The following STK38 variants were observed in gnomAD, a reference collection of about 807,000 sequenced individuals.
STK38 encodes the protein serine/threonine kinase 38, also known as serine/threonine-protein kinase 38.
A neutral mutation model predicts 59.0 loss-of-function variants in STK38; 26 were observed. The observed-to-expected ratio is 0.44, with a 90% CI of 0.32 to 0.61. The LOEUF is 0.61. Among genes scored for constraint, STK38 ranks in the 20% least tolerant of loss-of-function variants. The pLI is 0.04. For missense variants in STK38, 433 were observed against 566.0 expected (o/e 0.76, Z 2.38); for synonymous variants, 175 against 176.6 (o/e 0.99, Z 0.07).
chr6:36,504,885 A>G (rs1776921937), intron 9 of STK38, among the ~76,000 whole-genome samples: 1 of 135,870 alleles, frequency 7.4e-6, no homozygotes, highest in Admixed American at 8.2e-5. Context: ...GCCAAAGGTT[A>G]AATCCTGGCC....
intron 10 of STK38, among the ~76,000 whole-genome samples, chr6:36,499,223 T>A (rs953188136): frequency 2.0e-5 from 3 of 152,182 alleles, no homozygotes; most frequent in African/African-American, 7.2e-5. Flanking sequence ...GCATAGATTT[T>A]AAAAATGACC....
At position 36,524,467 on chromosome 6, in the gene STK38, A is replaced by G. The variant is rs888738315; in HGVS notation, c.184-4T>C. On this transcript the variant is annotated splice_polypyrimidine_tract_variant and splice_region_variant and intron_variant, in intron 3 of 13. Coordinates refer to ENST00000229812, the MANE Select transcript of STK38 (RefSeq NM_007271.4). ...GTGCTGATCTCCGGAGTCGTTTCTAATATTTAAATAAAAAAGGGAGGAGAC... is the reference window on the plus strand; with the variant it reads ...GTGCTGATCTCCGGAGTCGTTTCTAGTATTTAAATAAAAAAGGGAGGAGAC... 10 of 1,589,454 alleles carry G rather than the reference A, an allele frequency of 6.3e-6. No individual in the cohort carries two copies. The highest frequency in any genetic ancestry group is 4.5e-5 in the East Asian group (2 of 44,640).
Position 36,497,771 on chromosome 6 carries a change from TGGATATAC to T in STK38, c.1172+1_1172+8del. On this transcript the variant is annotated splice_donor_variant and splice_donor_5th_base_variant and intron_variant, in intron 12 of 13. Coordinates refer to ENST00000229812, the MANE Select transcript of STK38 (RefSeq NM_007271.4). LOFTEE classifies it high-confidence loss of function. ...TGAAATAATTCTGAAAGTGTTTATATGGATATACCTGATATGTTCCCAGTCAACGCCTT... is the reference window on the plus strand; with the variant it reads ...TGAAATAATTCTGAAAGTGTTTATATCTGATATGTTCCCAGTCAACGCCTT... 1 of 1,591,174 alleles carries T rather than the reference TGGATATAC, an allele frequency of 6.3e-7. No homozygotes were observed. Among genetic ancestry groups the T allele is most frequent in the East Asian group, 2.2e-5 (1 of 44,762 alleles).
intron 2 of STK38, among the ~76,000 whole-genome samples, chr6:36,537,766 G>A (rs1229613894): frequency 2.0e-5 from 3 of 152,008 alleles, no homozygotes; most frequent in Admixed American, 6.6e-5. Context: ...AAGCATGGTG[G>A]CATGCACCTG....
intron 4 of STK38, among the ~76,000 whole-genome samples, chr6:36,523,340 G>A (rs551674776): frequency 1.4e-5 from 2 of 144,388 alleles, no homozygotes; most frequent in Non-Finnish European, 1.5e-5. Context: ...TCGGCTCACT[G>A]CAACCTCTGC....
At chr6:36,522,876 A>AAAGAAG (rs10681953) in intron 4 of STK38, among the ~76,000 whole-genome samples, 38 of 98,858 alleles carry the variant, frequency 3.8e-4, no homozygotes, top group Admixed American at 1.3e-3. Flanking sequence ...AAAAAAAAAA[A>AAAGAAG]AAGAAGAAGA....
intron 7 of STK38, among the ~76,000 whole-genome samples, chr6:36,508,648 T>C (rs1777026176): frequency 6.6e-6 from 1 of 152,252 alleles, no homozygotes; most frequent in African/African-American, 2.4e-5. Flanking sequence ...TTTGCTCAGG[T>C]CCGCTGGGCT....
At chr6:36,509,153 G>C (rs926963630) in intron 7 of STK38, among the ~76,000 whole-genome samples, 2 of 152,204 alleles carry the variant, frequency 1.3e-5, no homozygotes, top group Non-Finnish European at 2.9e-5. Context: ...CCAGGTTCTT[G>C]TCCTGCATTC....
At chr6:36,525,531 C>T (rs1258842395) in intron 3 of STK38, 60 bp downstream of exon 3, 3 of 1,507,304 alleles carry the variant, frequency 2.0e-6, no homozygotes, top group Non-Finnish European at 2.8e-6. Context: ...TAACAACTCA[C>T]TGGACAAGAT....
At chr6:36,503,862 T>C (rs9470300) in intron 9 of STK38, among the ~76,000 whole-genome samples, 36,090 of 152,142 alleles carry the variant, frequency 0.24, 4,515 homozygotes, top group East Asian at 0.39. Flanking sequence ...CCACACTTTT[T>C]ACCACACCAT....
At chr6:36,498,793 G>A (rs964390475) in intron 10 of STK38, among the ~76,000 whole-genome samples, 1 of 151,938 alleles carries the variant, frequency 6.6e-6, no homozygotes, top group African/African-American at 2.4e-5. Flanking sequence ...GTCTTGCTAT[G>A]TTGATCAGGC....
At chr6:36,526,101 G>A (rs113553570) in intron 2 of STK38, among the ~76,000 whole-genome samples, 8,283 of 152,068 alleles carry the variant, frequency 0.054, 540 homozygotes, top group Admixed American at 0.17. Flanking sequence ...AAAGTGTTGC[G>A]ATTACAGGTG....
intron 2 of STK38, among the ~76,000 whole-genome samples, chr6:36,527,007 C>G (rs1203579103): frequency 1.3e-5 from 2 of 151,630 alleles, no homozygotes; most frequent in Non-Finnish European, 2.9e-5. Flanking sequence ...GCCTGGCCAA[C>G]ATAGTAAAAC....
At chr6:36,520,012 CTACTT>C (rs1030150380) in intron 5 of STK38, among the ~76,000 whole-genome samples, 1 of 152,196 alleles carries the variant, frequency 6.6e-6, no homozygotes, top group African/African-American at 2.4e-5. Flanking sequence ...CTCTGTACCT[CTACTT>C]TGTCAGCCCT....
intron 9 of STK38, among the ~76,000 whole-genome samples, chr6:36,500,588 C>T (rs1776813416): frequency 2.0e-5 from 3 of 151,586 alleles, no homozygotes; most frequent in South Asian, 2.1e-4. Flanking sequence ...GGTGAAAACC[C>T]GTCTCTACTA....
chr6:36,521,730 T>G lies in STK38; in HGVS notation c.390+4A>C. ...CTAAAAGCACTGCTACAACTGTGCTTTACCTGCTCTTTTTCAAGCATATCT... is the reference window on the plus strand; with the variant it reads ...CTAAAAGCACTGCTACAACTGTGCTGTACCTGCTCTTTTTCAAGCATATCT... On this transcript the variant is annotated splice_donor_region_variant and intron_variant, in intron 5 of 13. Coordinates refer to ENST00000229812, the MANE Select transcript of STK38 (RefSeq NM_007271.4). The G allele has an allele frequency of 6.2e-7, 1 of 1,606,796 alleles. No individual in the cohort carries two copies. Among genetic ancestry groups the G allele is most frequent in the Non-Finnish European group, 8.5e-7 (1 of 1,177,720 alleles).
At chr6:36,530,429 A>T (rs895997090) in intron 2 of STK38, among the ~76,000 whole-genome samples, 1 of 150,360 alleles carries the variant, frequency 6.7e-6, no homozygotes, top group Non-Finnish European at 1.5e-5. Flanking sequence ...CAGTGGTACT[A>T]TCTCGGCTCA....
chr6:36,506,308 A>C (rs2127470257), intron 9 of STK38, among the ~76,000 whole-genome samples: 1 of 152,300 alleles, frequency 6.6e-6, no homozygotes. Flanking sequence ...AAATGGAGAA[A>C]AGGTGGGGCA....
intron 2 of STK38, among the ~76,000 whole-genome samples, chr6:36,535,983 C>T (rs1240169515): frequency 6.6e-6 from 1 of 151,654 alleles, no homozygotes; most frequent in Non-Finnish European, 1.5e-5. Context: ...ATACTCAAAG[C>T]AATCTTAAAA....
Sources: allele counts gnomAD v4.1 joint callset (sites outside exome capture counted in the v4.1 genomes callset), GRCh38; gene constraint gnomAD v4.1.1; transcripts MANE v1.5; gene names NCBI Gene and HGNC (gene_info 2026-07-23, HGNC 2026-07-21).